Variants in ATP8B4 observed in about 807,000 individuals in gnomAD.
ATP8B4 encodes the protein ATPase phospholipid transporting 8B4 (putative).
Under a neutral mutation model 145.6 loss-of-function variants are expected in ATP8B4, and 133 were observed. The ratio of observed to expected loss-of-function variants is 0.91; its 90% confidence interval spans 0.79 to 1.05. ATP8B4 has a LOEUF of 1.05. Ranked by LOEUF, ATP8B4 falls within the 50% of genes least tolerant of loss-of-function variation. The pLI is 0.00. For synonymous variants in ATP8B4, 507 were observed against 492.9 expected (o/e 1.03, Z -0.38); for missense variants, 1,458 against 1,425.2 (o/e 1.02, Z -0.37).
intron 1 of ATP8B4, among the ~76,000 whole-genome samples, chr15:50,181,174 A>G (rs961585324): frequency 6.6e-6 from 1 of 152,194 alleles, no homozygotes; most frequent in Non-Finnish European, 1.5e-5. Context: ...CGTGTCTGGG[A>G]GGAATAAGCA....
chr15:49,970,902 T>C (rs1567109213), intron 13 of ATP8B4, among the ~76,000 whole-genome samples: 1 of 152,104 alleles, frequency 6.6e-6, no homozygotes. Flanking sequence ...CAAAACAGCA[T>C]GTACTGCTAC....
At chr15:50,113,343 C>T (rs1362290453) in intron 1 of ATP8B4, 5 of 152,270 alleles carry the variant, frequency 3.3e-5, no homozygotes, top group African/African-American at 9.6e-5. Context: ...AGGAACAAGC[C>T]CAGGCTTCTG....
chr15:50,040,653 C>T (rs1443412642), intron 5 of ATP8B4, among the ~76,000 whole-genome samples: 8 of 152,180 alleles, frequency 5.3e-5, no homozygotes, highest in African/African-American at 1.9e-4. Context: ...GACCAGTCAG[C>T]TCATCCCCCA....
At chr15:49,881,846 A>G (rs73396945) in intron 23 of ATP8B4, among the ~76,000 whole-genome samples, 1,971 of 152,394 alleles carry the variant, frequency 0.013, 18 homozygotes, top group Middle Eastern at 0.044. Context: ...ATGCATCTTC[A>G]TCAAAGTACC....
At chr15:49,929,884 G>A (rs1296409924) in intron 16 of ATP8B4, among the ~76,000 whole-genome samples, 3 of 152,058 alleles carry the variant, frequency 2.0e-5, no homozygotes, top group Admixed American at 2.0e-4. Context: ...GGAAACCTCT[G>A]AGAAAGCATT....
intron 1 of ATP8B4, among the ~76,000 whole-genome samples, chr15:50,112,364 G>A (rs2153672360): frequency 6.6e-6 from 1 of 152,060 alleles, no homozygotes; most frequent in Non-Finnish European, 1.5e-5. Context: ...TCCCCACCAG[G>A]GTGGGGATCT....
chr15:50,039,478 C>G (rs532576210), intron 5 of ATP8B4, among the ~76,000 whole-genome samples: 4 of 152,088 alleles, frequency 2.6e-5, no homozygotes, highest in Non-Finnish European at 5.9e-5. Context: ...ATTAAGAGCT[C>G]TCTACTAGGC....
chr15:49,918,896 C>T lies in ATP8B4; in HGVS notation c.1978G>A (p.Val660Ile). The T allele has an allele frequency of 6.2e-7, 1 of 1,613,818 alleles. No homozygotes were observed. The highest frequency in any genetic ancestry group is 8.5e-7 in the Non-Finnish European group (1 of 1,179,804). ...ATATTGGCTAGTGATAAACTTGTAA[C>T]TGTTTCAATAACACCCTCCTGTAAC... ...DKLQEGVIETVTSLSLANIKI... is the reference protein window; with the variant it reads ...DKLQEGVIETITSLSLANIKI... The change falls in exon 19 of 28, where the codon GTT becomes ATT. Residue 660 changes from valine (V) to isoleucine (I), a missense_variant. Transcript: ENST00000284509.
chr15:49,928,279 A>G (rs1875339587), intron 16 of ATP8B4, among the ~76,000 whole-genome samples: 1 of 152,148 alleles, frequency 6.6e-6, no homozygotes, highest in African/African-American at 2.4e-5. Context: ...TAGAAAAAGA[A>G]TTGAAAAATG....
intron 1 of ATP8B4, among the ~76,000 whole-genome samples, chr15:50,171,366 C>T (rs58282278): frequency 0.09 from 13,751 of 152,128 alleles, 834 homozygotes; most frequent in African/African-American, 0.16. Flanking sequence ...TCTCTCAGAC[C>T]ACAGTGGAAT....
chr15:49,998,448 G>A (rs183556159), intron 8 of ATP8B4, among the ~76,000 whole-genome samples: 34 of 152,256 alleles, frequency 2.2e-4, no homozygotes, highest in Admixed American at 1.3e-3. Context: ...GGCGTGAGAC[G>A]GTATCTCATT....
chr15:49,922,427 T>A, intron 17 of ATP8B4: 1 of 443,074 alleles, frequency 2.3e-6, no homozygotes, highest in Non-Finnish European at 4.5e-6. Context: ...TAAAAGAAAA[T>A]CAATTCTCTA....
intron 14 of ATP8B4, among the ~76,000 whole-genome samples, chr15:49,959,383 AC>A (rs2043863237): frequency 6.6e-6 from 1 of 152,060 alleles, no homozygotes. Flanking sequence ...GTGGGATAAT[AC>A]TAGAAGCATA....
intron 7 of ATP8B4, among the ~76,000 whole-genome samples, chr15:50,003,982 C>T (rs1231408681): frequency 1.3e-5 from 2 of 152,164 alleles, no homozygotes; most frequent in Non-Finnish European, 2.9e-5. Flanking sequence ...AGGTTCCGGG[C>T]TAACTGTTCT....
chr15:49,918,295 G>A (rs1166378356), intron 19 of ATP8B4, among the ~76,000 whole-genome samples: 1 of 152,156 alleles, frequency 6.6e-6, no homozygotes, highest in Non-Finnish European at 1.5e-5. Context: ...GACAGTCCTG[G>A]AATTCAGCCA....
intron 25 of ATP8B4, among the ~76,000 whole-genome samples, chr15:49,871,440 CTG>C (rs937635033): frequency 3.3e-5 from 5 of 152,176 alleles, no homozygotes; most frequent in African/African-American, 4.8e-5. Context: ...TTTAACCTCT[CTG>C]AACTTTATCT....
chr15:49,959,339 T>G (rs544840136), intron 14 of ATP8B4, among the ~76,000 whole-genome samples: 5 of 152,044 alleles, frequency 3.3e-5, no homozygotes, highest in African/African-American at 4.8e-5. Flanking sequence ...TCCAAAAATA[T>G]ATCTATTCTA....
At chr15:49,890,105 A>C (rs1041067100) in intron 23 of ATP8B4, among the ~76,000 whole-genome samples, 5 of 152,226 alleles carry the variant, frequency 3.3e-5, no homozygotes, top group African/African-American at 1.2e-4. Flanking sequence ...AGGTTCCTTG[A>C]GGGTAGGAAC....
At chr15:49,999,102 C>T (rs1052912110) in intron 8 of ATP8B4, among the ~76,000 whole-genome samples, 15 of 152,112 alleles carry the variant, frequency 9.9e-5, no homozygotes, top group African/African-American at 3.1e-4. Flanking sequence ...TATTGTGGCA[C>T]TATTCACAAT....
Sources: allele counts gnomAD v4.1 joint callset (sites outside exome capture counted in the v4.1 genomes callset), GRCh38; gene constraint gnomAD v4.1.1; transcripts MANE v1.5; gene names NCBI Gene and HGNC (gene_info 2026-07-23, HGNC 2026-07-21).